The following SCML4 variants were observed in gnomAD, a reference collection of about 807,000 sequenced individuals.
SCML4 encodes the protein sex comb on midleg-like protein 4.
A neutral mutation model predicts 41.1 loss-of-function variants in SCML4; 34 were observed. The ratio of observed to expected loss-of-function variants is 0.83; its 90% confidence interval spans 0.63 to 1.10. The LOEUF is 1.10. Among genes scored for constraint, SCML4 ranks in the 50% least tolerant of loss-of-function variants. The pLI, the probability that SCML4 is intolerant of heterozygous loss-of-function variation, is 0.00. For missense variants in SCML4, 522 were observed against 534.1 expected, an observed-to-expected ratio of 0.98 and a Z score of 0.22; for synonymous variants, 214 against 220.9, an observed-to-expected ratio of 0.97 and a Z score of 0.28.
At chr6:107,831,411 CAA>C in the SCML4 span, among the ~76,000 whole-genome samples, 4,320 of 107,274 alleles carry the variant, frequency 0.04, 126 homozygotes, top group African/African-American at 0.12. Flanking sequence ...TTTTCATTCT[CAA>C]AAAAAAAAAA....
At chr6:107,825,633 G>C (rs1305028678), upstream of SCML4, among the ~76,000 whole-genome samples, 1 of 152,126 alleles carries the variant, frequency 6.6e-6, no homozygotes, top group Admixed American at 6.5e-5. Flanking sequence ...GGAGGAAGAG[G>C]AGAAGAAAAG....
intron 6 of SCML4, among the ~76,000 whole-genome samples, chr6:107,714,679 T>C (rs138800466): frequency 0.04 from 6,110 of 152,266 alleles, 295 homozygotes; most frequent in African/African-American, 0.12. Context: ...AACCAAAACC[T>C]GAGTCTTAAC....
chr6:107,731,817 T>C (rs1055638650), intron 5 of SCML4, among the ~76,000 whole-genome samples: 4 of 152,176 alleles, frequency 2.6e-5, no homozygotes, highest in African/African-American at 9.7e-5. Flanking sequence ...CAGCTACCCC[T>C]CTTTGCTTAG....
At chr6:107,724,110 C>A (rs563339637) in intron 5 of SCML4, among the ~76,000 whole-genome samples, 4 of 152,056 alleles carry the variant, frequency 2.6e-5, no homozygotes, top group Non-Finnish European at 5.9e-5. Context: ...AATCCAATAC[C>A]CTTTTATGAT....
intron 3 of SCML4, 84 bp from the exon 4 acceptor site, chr6:107,746,973 C>T: frequency 8.8e-7 from 1 of 1,139,984 alleles, no homozygotes; most frequent in Non-Finnish European, 1.2e-6. Context: ...GGGGATGCCT[C>T]AGCCATGCCC....
At chr6:107,828,906 C>G (rs986318719), upstream of SCML4, among the ~76,000 whole-genome samples, 7 of 152,172 alleles carry the variant, frequency 4.6e-5, no homozygotes, top group African/African-American at 1.4e-4. Context: ...CAAAACCGTT[C>G]TGTGTAGTGA....
chr6:107,753,628 T>G (rs2114519154), intron 2 of SCML4, among the ~76,000 whole-genome samples: 1 of 152,328 alleles, frequency 6.6e-6, no homozygotes, highest in East Asian at 1.9e-4. Context: ...TGGTAAATTT[T>G]GTGTGTTTTT....
the SCML4 span, among the ~76,000 whole-genome samples, chr6:107,829,526 G>C: frequency 6.6e-6 from 1 of 152,152 alleles, no homozygotes; most frequent in Admixed American, 6.5e-5. Flanking sequence ...TCTCATAAGT[G>C]GGAGTTGAAC....
At position 107,749,570 on chromosome 6, in the gene SCML4, G is replaced by C. The variant is rs75107588; in HGVS notation, c.286+114C>G. On this transcript the variant is annotated intron_variant, in intron 3 of 7. Transcript: ENST00000369020. The stretch of plus-strand genomic sequence containing the variant: ...TGCTGCCTAGCTAGCACACTAAATC[G>C]CTCATTTGAGCCATCTCAGCAACAA... 5,779 of 1,246,424 alleles carry C rather than the reference G, an allele frequency of 4.6e-3. 108 individuals are homozygous for C. In the East Asian group the frequency reaches 0.06, roughly 13 times the overall value. The allele number at this position is 1,246,424 out of a possible 1,614,324, so 77.2% of individuals were successfully genotyped here.
At chr6:107,753,027 G>A (rs537346077) in intron 2 of SCML4, among the ~76,000 whole-genome samples, 164 of 152,262 alleles carry the variant, frequency 1.1e-3, no homozygotes, top group Non-Finnish European at 2.0e-3. Flanking sequence ...TCAAAAAAGG[G>A]AGCAGAGAAC....
At chr6:107,735,977 C>G (rs1481460341) in intron 5 of SCML4, among the ~76,000 whole-genome samples, 1 of 152,126 alleles carries the variant, frequency 6.6e-6, no homozygotes, top group Non-Finnish European at 1.5e-5. Flanking sequence ...TCTTTTTCTA[C>G]CCATCATTCC....
At chr6:107,844,655 C>T in the SCML4 span, among the ~76,000 whole-genome samples, 6 of 151,812 alleles carry the variant, frequency 4.0e-5, no homozygotes, top group Non-Finnish European at 7.4e-5. Flanking sequence ...GCCTATAGTC[C>T]CAGTGGGGAA....
intron 1 of SCML4, among the ~76,000 whole-genome samples, chr6:107,807,316 C>T (rs780870700): frequency 3.9e-5 from 6 of 152,106 alleles, no homozygotes; most frequent in African/African-American, 7.2e-5. Flanking sequence ...TGCTGTTGGA[C>T]GCCAGCCCAC....
chr6:107,764,450 C>A (rs1482536394), intron 2 of SCML4, among the ~76,000 whole-genome samples: 2 of 152,072 alleles, frequency 1.3e-5, no homozygotes, highest in African/African-American at 4.8e-5. Context: ...CTTTCTTGTG[C>A]CTTTCAGAGA....
At chr6:107,800,656 T>C (rs1783048631) in intron 1 of SCML4, among the ~76,000 whole-genome samples, 1 of 152,212 alleles carries the variant, frequency 6.6e-6, no homozygotes, top group Non-Finnish European at 1.5e-5. Flanking sequence ...AATTTATTGC[T>C]TTTCAGCAAC....
At chr6:107,831,352 T>C in the SCML4 span, among the ~76,000 whole-genome samples, 9,635 of 142,134 alleles carry the variant, frequency 0.068, 843 homozygotes, top group African/African-American at 0.19. Context: ...ATACAACCAT[T>C]GCCTTTAGAA....
intron 1 of SCML4, among the ~76,000 whole-genome samples, chr6:107,774,741 G>T (rs1451467239): frequency 1.3e-5 from 2 of 152,044 alleles, no homozygotes; most frequent in Non-Finnish European, 2.9e-5. Flanking sequence ...CCATGATCAG[G>T]CTGGGTGCGG....
chr6:107,826,232 G>A (rs1347058428), upstream of SCML4, among the ~76,000 whole-genome samples: 2 of 141,642 alleles, frequency 1.4e-5, no homozygotes, highest in East Asian at 4.1e-4. Context: ...TGACAAGAGT[G>A]AAATTCCATC....
chr6:107,731,645 C>G (rs3823293), intron 5 of SCML4, among the ~76,000 whole-genome samples: 3,705 of 152,316 alleles, frequency 0.024, 103 homozygotes, highest in African/African-American at 0.07. Context: ...GCCCTGCCGA[C>G]CCCCACACCC....
Sources: gnomAD v4.1 joint callset for allele counts (sites outside exome capture counted in the v4.1 genomes callset) on GRCh38, gnomAD v4.1.1 for gene constraint, MANE v1.5 for transcripts, NCBI Gene and HGNC (gene_info 2026-07-23, HGNC 2026-07-21) for gene names.